Variants in PRKCE observed in about 807,000 individuals in gnomAD.
The protein encoded by PRKCE is protein kinase C epsilon type.
A neutral mutation model predicts 85.4 loss-of-function variants in PRKCE; 16 were observed. That is an observed-to-expected ratio of 0.19 (90% CI 0.13 to 0.28). PRKCE has a LOEUF of 0.28. PRKCE is among the 10% of genes least tolerant of loss of function. The probability of loss-of-function intolerance (pLI) is 1.00; values close to 1 mark genes in which losing one functional copy is unlikely to be tolerated. For synonymous variants in PRKCE, 388 were observed against 371.5 expected, an observed-to-expected ratio of 1.04 and a Z score of -0.51; for missense variants, 573 against 975.2, an observed-to-expected ratio of 0.59 and a Z score of 5.49.
rs1007095248 is a variant in PRKCE at position 45,890,435 on chromosome 2, G to A, written c.412+47372G>A. Among the ~76,000 whole-genome samples the A allele has an allele frequency of 2.6e-5, 4 of 152,018 alleles. No individual in the cohort carries two copies. The South Asian group carries it at 6.2e-4, about 24-fold the overall frequency. Reference sequence around the variant, plus strand: ...CACTCTGTCTCCCAGACTGGATTGCGGTGGTGTGATCTCGGCTCACTGCAA... The same window carrying A: ...CACTCTGTCTCCCAGACTGGATTGCAGTGGTGTGATCTCGGCTCACTGCAA... On this transcript the variant is annotated intron_variant, in intron 2 of 14. Coordinates refer to ENST00000306156, the MANE Select transcript of PRKCE (RefSeq NM_005400.3).
At chr2:46,114,395 C>T (rs1278718586) in intron 11 of PRKCE, among the ~76,000 whole-genome samples, 2 of 149,350 alleles carry the variant, frequency 1.3e-5, no homozygotes, top group Non-Finnish European at 3.0e-5. Context: ...ATTGCCCTCC[C>T]AGAGTCCAAG....
intron 10 of PRKCE, among the ~76,000 whole-genome samples, chr2:46,011,354 C>T (rs1574220136): frequency 6.6e-6 from 1 of 152,210 alleles, no homozygotes; most frequent in Non-Finnish European, 1.5e-5. Context: ...ATTCTCATCT[C>T]CATGTCATTT....
intron 11 of PRKCE, 127 bp from the exon 12 acceptor site, chr2:46,144,966 G>C: frequency 7.1e-7 from 1 of 1,417,554 alleles, no homozygotes; most frequent in South Asian, 1.3e-5. Context: ...TGGGTTTCAA[G>C]AAACACAAGC....
chr2:45,813,934 C>A (rs1264402881), intron 1 of PRKCE, among the ~76,000 whole-genome samples: 4 of 152,208 alleles, frequency 2.6e-5, no homozygotes, highest in African/African-American at 9.7e-5. Flanking sequence ...ACCTCCAAGA[C>A]ACGTGCAGTA....
intron 10 of PRKCE, among the ~76,000 whole-genome samples, chr2:46,085,743 TTTTTTGTTTTTG>T (rs1187003666): frequency 3.1e-4 from 8 of 26,086 alleles, no homozygotes; most frequent in Admixed American, 4.9e-4. Context: ...TCCGTTTTTT[TTTTTTGTTTTTG>T]TTTTTTTTTT....
chr2:45,982,237 T>TTGAGTTCTGAACCAA (rs532392325), intron 5 of PRKCE, among the ~76,000 whole-genome samples: 4,392 of 152,348 alleles, frequency 0.029, 89 homozygotes, highest in Middle Eastern at 0.058. Context: ...TCTGCCGGGT[T>TTGAGTTCTGAACCAA]ACTGAACTGC....
rs78781854 is a variant in PRKCE, at chr2:45,803,367, C to T, written c.349-39633C>T. Among the ~76,000 whole-genome samples, 174 of 152,304 alleles carry T rather than the reference C, an allele frequency of 1.1e-3. 4 individuals carry two copies. The East Asian group carries it at 0.02, about 18-fold the overall frequency. ...TTTGGAATCTGTTGAGCATCATAGG[C>T]GCTGGTGCTACCCTTGAACACAGTG... On this transcript the variant is annotated intron_variant, in intron 1 of 14. Transcript: ENST00000306156.
intron 1 of PRKCE, among the ~76,000 whole-genome samples, chr2:45,769,903 CAT>C (rs976481050): frequency 6.6e-6 from 1 of 152,196 alleles, no homozygotes; most frequent in African/African-American, 2.4e-5. Flanking sequence ...TAGGCAGAAA[CAT>C]GTACACGGCG....
rs957045109 is a variant in PRKCE, at chr2:45,890,823, G to A, written c.412+47760G>A. Reference sequence around the variant, plus strand: ...TGCACAAGGCACTATGCTGGTTGAGGGATGGGTTAAGGTCAGATTTTGTTG... The same window carrying A: ...TGCACAAGGCACTATGCTGGTTGAGAGATGGGTTAAGGTCAGATTTTGTTG... On this transcript the variant is annotated intron_variant, in intron 2 of 14. Transcript: ENST00000306156. 4.3e-4 allele frequency among the ~76,000 whole-genome samples: 66 copies of A among 152,162 alleles called. 3 individuals carry two copies. The highest frequency in any genetic ancestry group is 8.8e-5 in the Non-Finnish European group (6 of 68,032).
chr2:46,181,132 A>T (rs1019278530), intron 14 of PRKCE, among the ~76,000 whole-genome samples: 2 of 152,170 alleles, frequency 1.3e-5, no homozygotes, highest in African/African-American at 4.8e-5. Flanking sequence ...TCTGTGCGGG[A>T]GGTAGCAGCT....
chr2:45,728,651 G>T (rs952582953), intron 1 of PRKCE, among the ~76,000 whole-genome samples: 3 of 152,166 alleles, frequency 2.0e-5, no homozygotes, highest in African/African-American at 7.2e-5. Flanking sequence ...TTTACAGATG[G>T]GGAACTGAAA....
intron 2 of PRKCE, among the ~76,000 whole-genome samples, chr2:45,903,918 T>TG (rs57253617): frequency 0.1 from 14,785 of 147,552 alleles, 1,072 homozygotes; most frequent in African/African-American, 0.12. Context: ...TTTGTTTGTT[T>TG]TTTTTGGCAG....
At chr2:45,842,319 C>T (rs58822334) in intron 1 of PRKCE, among the ~76,000 whole-genome samples, 30,394 of 152,130 alleles carry the variant, frequency 0.2, 3,582 homozygotes, top group Non-Finnish European at 0.25. Context: ...ATTTCAGGTT[C>T]GTCAGATACT....
chr2:46,097,697 G>A (rs1402936446), intron 11 of PRKCE, among the ~76,000 whole-genome samples: 1 of 152,134 alleles, frequency 6.6e-6, no homozygotes, highest in Non-Finnish European at 1.5e-5. Context: ...AAGTCATTCT[G>A]TCCCTCTCCC....
rs190757179 is a variant in PRKCE, at chr2:45,772,027, G to A, written c.349-70973G>A. Reference sequence around the variant, plus strand: ...CTTCTCATATCATTTCATGCTCTCAGTGGCTCTTGGAGATGTGATTGTTCC... The same window carrying A: ...CTTCTCATATCATTTCATGCTCTCAATGGCTCTTGGAGATGTGATTGTTCC... On this transcript the variant is annotated intron_variant, in intron 1 of 14. Coordinates refer to ENST00000306156, the MANE Select transcript of PRKCE (RefSeq NM_005400.3). 1.6e-4 allele frequency among the ~76,000 whole-genome samples: 24 copies of A among 152,298 alleles called. No homozygotes were observed. The East Asian group carries it at 4.4e-3, about 28-fold the overall frequency.
intron 4 of PRKCE, among the ~76,000 whole-genome samples, chr2:45,980,007 G>C (rs375693426): frequency 6.6e-6 from 1 of 152,166 alleles, no homozygotes; most frequent in Non-Finnish European, 1.5e-5. Context: ...TGACCTTGGC[G>C]TATTGAAGTG....
intron 10 of PRKCE, among the ~76,000 whole-genome samples, chr2:46,018,672 C>T (rs1327772200): frequency 1.3e-5 from 2 of 152,174 alleles, no homozygotes; most frequent in Non-Finnish European, 2.9e-5. Context: ...CACATGACTA[C>T]TACTAACATT....
At chr2:45,911,048 A>T (rs554324360) in intron 2 of PRKCE, among the ~76,000 whole-genome samples, 1 of 152,172 alleles carries the variant, frequency 6.6e-6, no homozygotes, top group Non-Finnish European at 1.5e-5. Flanking sequence ...TTCAATGGAG[A>T]GGTGGACTGA....
At chr2:45,892,468 C>A (rs907710559) in intron 2 of PRKCE, among the ~76,000 whole-genome samples, 4 of 151,918 alleles carry the variant, frequency 2.6e-5, no homozygotes, top group Non-Finnish European at 5.9e-5. Context: ...ATAAATCATA[C>A]GTTGAGTGTT....
Sources: allele counts gnomAD v4.1 joint callset (sites outside exome capture counted in the v4.1 genomes callset), GRCh38; gene constraint gnomAD v4.1.1; transcripts MANE v1.5; gene names NCBI Gene and HGNC (gene_info 2026-07-23, HGNC 2026-07-21).